The following GULP1 variants were observed in gnomAD, a reference collection of about 807,000 sequenced individuals.
The protein encoded by GULP1 is GULP PTB domain containing engulfment adaptor 1, also known as PTB domain-containing engulfment adapter protein 1.
Under a neutral mutation model 40.9 loss-of-function variants are expected in GULP1, and 19 were observed. The ratio of observed to expected loss-of-function variants is 0.46; its 90% CI spans 0.32 to 0.68. The LOEUF (loss-of-function observed/expected upper bound fraction) is 0.68. Ranked by LOEUF, GULP1 falls within the 30% of genes least tolerant of loss-of-function variation. The pLI is 0.03. For missense variants in GULP1, 312 were observed against 362.2 expected, an observed-to-expected ratio of 0.86 and a Z score of 1.12; for synonymous variants, 119 against 117.6, an observed-to-expected ratio of 1.01 and a Z score of -0.08.
chr2:188,404,586 C>G (rs2052783037), intron 2 of GULP1, among the ~76,000 whole-genome samples: 1 of 152,162 alleles, frequency 6.6e-6, no homozygotes, highest in Non-Finnish European at 1.5e-5. Flanking sequence ...CAAGGCCTGC[C>G]CTGGTACCAG....
chr2:188,565,737 G>A (rs1205872499), intron 7 of GULP1, among the ~76,000 whole-genome samples: 1 of 151,998 alleles, frequency 6.6e-6, no homozygotes, highest in Admixed American at 6.6e-5. Context: ...AATGTTTGTG[G>A]TAGTTTCATG....
chr2:188,381,486 A>G (rs1001916582), intron 1 of GULP1, among the ~76,000 whole-genome samples: 18 of 152,154 alleles, frequency 1.2e-4, no homozygotes, highest in Non-Finnish European at 2.4e-4. Flanking sequence ...TTTATTAACA[A>G]TTATTTATCT....
rs551500336 is a variant in GULP1, at chr2:188,402,796, G to GTAA, written c.-45+18924_-45+18926dup. 5.9e-3 allele frequency among the ~76,000 whole-genome samples: 899 copies of GTAA among 151,550 alleles called. 6 individuals carry two copies. Among genetic ancestry groups the GTAA allele is most frequent in the African/African-American group, 0.02 (829 of 41,376 alleles). On this transcript the variant is annotated intron_variant, in intron 2 of 11. Transcript: ENST00000409830. The stretch of plus-strand genomic sequence containing the variant: ...GAAATCTGCCCTAGGATTTTTAACA[G>GTAA]TAATAATAATAATAATAATGGCCAA...
chr2:188,556,082 G>T (rs565311414), intron 7 of GULP1, among the ~76,000 whole-genome samples: 1 of 148,744 alleles, frequency 6.7e-6, no homozygotes, highest in Non-Finnish European at 1.5e-5. Flanking sequence ...AAAAGAAAAA[G>T]AAAAAAAAAG....
chr2:188,571,621 G>A (rs1024910000), intron 9 of GULP1, among the ~76,000 whole-genome samples: 9 of 152,056 alleles, frequency 5.9e-5, no homozygotes, highest in African/African-American at 2.2e-4. Flanking sequence ...CCAGGATTAT[G>A]ATTTTTTTCT....
At chr2:188,511,508 C>G (rs1404978133) in intron 4 of GULP1, among the ~76,000 whole-genome samples, 2 of 152,112 alleles carry the variant, frequency 1.3e-5, no homozygotes, top group African/African-American at 4.8e-5. Context: ...CTCCACCTGT[C>G]TCACTCTTCA....
At chr2:188,540,205 T>G (rs559089878) in intron 6 of GULP1, among the ~76,000 whole-genome samples, 1 of 152,166 alleles carries the variant, frequency 6.6e-6, no homozygotes, top group South Asian at 2.1e-4. Flanking sequence ...AATAGTTGAT[T>G]TTTCTACTTG....
At chr2:188,348,349 C>T (rs1220476719) in intron 1 of GULP1, among the ~76,000 whole-genome samples, 8 of 152,132 alleles carry the variant, frequency 5.3e-5, no homozygotes, top group Non-Finnish European at 1.5e-5. Context: ...GAAGCACTGG[C>T]CTTTTTACTG....
At chr2:188,340,886 C>T (rs2042879674) in intron 1 of GULP1, among the ~76,000 whole-genome samples, 1 of 152,092 alleles carries the variant, frequency 6.6e-6, no homozygotes, top group African/African-American at 2.4e-5. Context: ...CTGGACTGAA[C>T]TCTGAAGTCA....
At chr2:188,428,507 T>C (rs1372569378) in intron 2 of GULP1, among the ~76,000 whole-genome samples, 2 of 152,284 alleles carry the variant, frequency 1.3e-5, no homozygotes, top group Middle Eastern at 6.8e-3. Flanking sequence ...TCTCATGGTT[T>C]AACGTAATTT....
At chr2:188,294,716 C>T (rs10175838) in intron 1 of GULP1, among the ~76,000 whole-genome samples, 22,912 of 152,076 alleles carry the variant, frequency 0.15, 1,871 homozygotes, top group Middle Eastern at 0.17. Flanking sequence ...AAATGTTTTC[C>T]CTGACTATGA....
At chr2:188,457,825 C>A (rs780507585) in intron 2 of GULP1, among the ~76,000 whole-genome samples, 1 of 152,172 alleles carries the variant, frequency 6.6e-6, no homozygotes, top group Admixed American at 6.5e-5. Flanking sequence ...ACAAACCCCC[C>A]ACACATGCAT....
chr2:188,561,856 T>A (rs1027620744), intron 7 of GULP1, among the ~76,000 whole-genome samples: 4 of 152,122 alleles, frequency 2.6e-5, no homozygotes, highest in Non-Finnish European at 5.9e-5. Flanking sequence ...GCCTAGGTTG[T>A]ACCTCAGCCC....
At chr2:188,393,348 T>A (rs1465471750) in intron 2 of GULP1, among the ~76,000 whole-genome samples, 1 of 152,090 alleles carries the variant, frequency 6.6e-6, no homozygotes, top group Non-Finnish European at 1.5e-5. Context: ...CTTTTTTTAT[T>A]CTTTCTGCTT....
intron 11 of GULP1, chr2:188,592,119 G>A (rs1163399769): frequency 6.6e-6 from 1 of 151,896 alleles, no homozygotes; most frequent in African/African-American, 2.4e-5. Flanking sequence ...ATTGACCTCT[G>A]TTTTACTTTG....
At chr2:188,407,563 A>G (rs947412466) in intron 2 of GULP1, among the ~76,000 whole-genome samples, 3 of 152,208 alleles carry the variant, frequency 2.0e-5, no homozygotes, top group African/African-American at 7.2e-5. Flanking sequence ...AATTAATTTT[A>G]TCAGTTTAAA....
chr2:188,492,853 T>A (rs1164212506), intron 4 of GULP1, among the ~76,000 whole-genome samples: 1 of 152,036 alleles, frequency 6.6e-6, no homozygotes, highest in Non-Finnish European at 1.5e-5. Flanking sequence ...CATCATCGTG[T>A]TTTTCCTTAA....
intron 1 of GULP1, among the ~76,000 whole-genome samples, chr2:188,355,846 G>A (rs1559144218): frequency 6.6e-6 from 1 of 152,016 alleles, no homozygotes; most frequent in Non-Finnish European, 1.5e-5. Flanking sequence ...TGATTATCAA[G>A]TGGGAATTAA....
At chr2:188,349,481 T>G (rs537480376) in intron 1 of GULP1, among the ~76,000 whole-genome samples, 48 of 152,216 alleles carry the variant, frequency 3.2e-4, no homozygotes, top group Non-Finnish European at 5.6e-4. Flanking sequence ...TTTGCATTTC[T>G]CTGATGGCTA....
Sources: gnomAD v4.1 joint callset for allele counts (sites outside exome capture counted in the v4.1 genomes callset) on GRCh38, gnomAD v4.1.1 for gene constraint, MANE v1.5 for transcripts, NCBI Gene and HGNC (gene_info 2026-07-23, HGNC 2026-07-21) for gene names.